The following FAM107B variants were observed in gnomAD, a reference collection of about 807,000 sequenced individuals.
FAM107B encodes protein FAM107B.
Under a neutral mutation model 31.5 loss-of-function variants are expected in FAM107B, and 21 were observed. That is an observed-to-expected ratio of 0.67 (90% confidence interval 0.47 to 0.96). The LOEUF (loss-of-function observed/expected upper bound fraction) is 0.96, where lower values mean the gene tolerates loss of function less well. Ranked by LOEUF, FAM107B falls within the 40% of genes least tolerant of loss-of-function variation. The pLI is 0.00. For synonymous variants in FAM107B, 157 were observed against 141.5 expected (o/e 1.11, Z -0.78); for missense variants, 452 against 377.1 (o/e 1.20, Z -1.64).
At chr10:14,626,420 T>A (rs1351394512) in intron 2 of FAM107B, among the ~76,000 whole-genome samples, 1 of 152,162 alleles carries the variant, frequency 6.6e-6, no homozygotes, top group Non-Finnish European at 1.5e-5. Flanking sequence ...ATACTTCTGC[T>A]GTTTGGTTTC....
In FAM107B at chr10:14,751,995, T is replaced by C. The variant is rs560455974; in HGVS notation, c.411+22258A>G. On this transcript the variant is annotated intron_variant, in intron 1 of 4. Transcript: ENST00000181796. ...TTAATCCATGGCACCTCCCTTGCTCTGGGTTTCTGGTGTTTTTGAAATACC... is the reference window on the plus strand; with the variant it reads ...TTAATCCATGGCACCTCCCTTGCTCCGGGTTTCTGGTGTTTTTGAAATACC... Among the ~76,000 whole-genome samples, 31 of 152,330 alleles carry C rather than the reference T, an allele frequency of 2.0e-4. 1 individual carries two copies. The highest frequency in any genetic ancestry group is 2.0e-3 in the Admixed American group (31 of 15,304).
intron 2 of FAM107B, among the ~76,000 whole-genome samples, chr10:14,650,692 T>C (rs974654829): frequency 1.3e-5 from 2 of 152,230 alleles, no homozygotes; most frequent in Admixed American, 6.5e-5. Flanking sequence ...GCATCAGTTG[T>C]TGTGTTCTGT....
intron 2 of FAM107B, among the ~76,000 whole-genome samples, chr10:14,588,714 C>A (rs1452232132): frequency 2.0e-5 from 3 of 152,158 alleles, no homozygotes; most frequent in African/African-American, 7.2e-5. Context: ...CCACCCATCA[C>A]CCCACACACG....
intron 1 of FAM107B, among the ~76,000 whole-genome samples, chr10:14,738,114 A>G (rs1856352553): frequency 2.0e-5 from 3 of 152,144 alleles, no homozygotes; most frequent in African/African-American, 7.2e-5. Context: ...AGGGAGGAAG[A>G]TTTCCCCATT....
chr10:14,764,574 T>C (rs7893695), intron 1 of FAM107B, among the ~76,000 whole-genome samples: 15,431 of 152,194 alleles, frequency 0.1, 2,093 homozygotes, highest in African/African-American at 0.31. Context: ...GTGTCAATCT[T>C]ATATTGGAAA....
rs565406490 is a variant in FAM107B at position 14,528,102 on chromosome 10, G to A, written c.653+2230C>T. 64 of 300,362 alleles carry A rather than the reference G, an allele frequency of 2.1e-4. 1 individual carries two copies. Among genetic ancestry groups the A allele is most frequent in the South Asian group, 1.7e-3 (62 of 36,652 alleles). 18.6% of individuals were successfully genotyped at this position (300,362 alleles called of 1,614,324 possible). ...AGTTGTTGTCACATAGGAAGTGGAA[G>A]ATAGATGTGACTAAGTGATCACTTA... On this transcript the variant is annotated intron_variant, in intron 3 of 4. Coordinates refer to ENST00000181796, the MANE Select transcript of FAM107B (RefSeq NM_031453.4).
At chr10:14,709,826 G>C (rs191826969) in intron 1 of FAM107B, among the ~76,000 whole-genome samples, 1 of 152,264 alleles carries the variant, frequency 6.6e-6, no homozygotes, top group East Asian at 1.9e-4. Context: ...AATCTGAAAA[G>C]ACTATATACT....
intron 2 of FAM107B, among the ~76,000 whole-genome samples, chr10:14,591,901 CG>C (rs2131342426): frequency 6.6e-6 from 1 of 151,462 alleles, no homozygotes; most frequent in South Asian, 2.1e-4. Flanking sequence ...GAACATTCTA[CG>C]GAACAAGTGA....
chr10:14,542,133 C>T (rs2130972351), intron 2 of FAM107B, among the ~76,000 whole-genome samples: 1 of 151,926 alleles, frequency 6.6e-6, no homozygotes, highest in Non-Finnish European at 1.5e-5. Flanking sequence ...AGCCAGGCAT[C>T]GTGGTGCATG....
chr10:14,690,034 G>T (rs1855093477), intron 1 of FAM107B, among the ~76,000 whole-genome samples: 1 of 148,130 alleles, frequency 6.8e-6, no homozygotes, highest in Admixed American at 6.7e-5. Context: ...AGGGAGGGAG[G>T]GAGGGAGGGA....
At chr10:14,731,024 T>G (rs951983969) in intron 1 of FAM107B, among the ~76,000 whole-genome samples, 1 of 152,108 alleles carries the variant, frequency 6.6e-6, no homozygotes, top group Non-Finnish European at 1.5e-5. Context: ...ATGACTGGAA[T>G]CAGGGAGAGG....
In FAM107B at chr10:14,723,282, T is replaced by C. The variant is rs1402683038; in HGVS notation, c.411+50971A>G. 4.8e-5 allele frequency: 26 copies of C among 537,664 alleles called. 1 individual carries two copies. The highest frequency in any genetic ancestry group is 9.2e-5 in the Non-Finnish European group (25 of 272,554). 33.3% of individuals were successfully genotyped at this position (537,664 alleles called of 1,614,324 possible). A position where few individuals can be genotyped will look rare whatever the true frequency, so the allele number is the denominator to read the frequency against. On this transcript the variant is annotated intron_variant, in intron 1 of 4. Transcript: ENST00000181796. ...CAGTCTTCAGTAGGGAACTGCTGAA[T>C]AGGCACAGAGGGTATCTGCACACCT...
intron 2 of FAM107B, among the ~76,000 whole-genome samples, chr10:14,633,959 T>C (rs1853431697): frequency 6.6e-6 from 1 of 152,228 alleles, no homozygotes. Flanking sequence ...AAGCCTCAAC[T>C]CACATGCCCT....
chr10:14,665,687 C>G (rs976516698), intron 2 of FAM107B, among the ~76,000 whole-genome samples: 1 of 152,138 alleles, frequency 6.6e-6, no homozygotes, highest in African/African-American at 2.4e-5. Context: ...TCCACCACTG[C>G]CCCTACTATG....
At chr10:14,544,288 T>C (rs755746634) in intron 2 of FAM107B, among the ~76,000 whole-genome samples, 2 of 152,214 alleles carry the variant, frequency 1.3e-5, no homozygotes, top group Non-Finnish European at 2.9e-5. Context: ...TATTCTTCTT[T>C]GCATAAAATC....
intron 2 of FAM107B, among the ~76,000 whole-genome samples, chr10:14,586,656 G>T (rs778957760): frequency 1.3e-5 from 2 of 152,202 alleles, no homozygotes; most frequent in Non-Finnish European, 2.9e-5. Flanking sequence ...AAATCTGCCA[G>T]CATCTTTGAT....
intron 1 of FAM107B, among the ~76,000 whole-genome samples, chr10:14,733,599 G>A (rs1319638191): frequency 6.6e-6 from 1 of 152,202 alleles, no homozygotes; most frequent in Non-Finnish European, 1.5e-5. Context: ...TAGCACTGGA[G>A]AAAGGTCGTC....
chr10:14,764,388 C>T (rs1833120549), intron 1 of FAM107B, among the ~76,000 whole-genome samples: 1 of 152,154 alleles, frequency 6.6e-6, no homozygotes, highest in Non-Finnish European at 1.5e-5. Flanking sequence ...CCAACAGTTG[C>T]CTCAGTTGTC....
intron 1 of FAM107B, among the ~76,000 whole-genome samples, chr10:14,713,550 A>G (rs1044083548): frequency 2.6e-5 from 4 of 152,198 alleles, no homozygotes; most frequent in Admixed American, 1.3e-4. Context: ...TCTTTTCCCT[A>G]TTGTGCACCA....
Sources: gnomAD v4.1 joint callset for allele counts (sites outside exome capture counted in the v4.1 genomes callset) on GRCh38, gnomAD v4.1.1 for gene constraint, MANE v1.5 for transcripts, NCBI Gene and HGNC (gene_info 2026-07-23, HGNC 2026-07-21) for gene names.